AP2A2: variants seen among roughly 807,000 people sequenced by gnomAD.
The protein encoded by AP2A2 is AP-2 complex subunit alpha-2.
In AP2A2, 32 loss-of-function variants were observed where a neutral mutation model predicts 104.2. The observed-to-expected ratio is 0.31, with a 90% CI of 0.23 to 0.41. AP2A2 has a LOEUF of 0.41. Ranked by LOEUF, AP2A2 falls within the 10% of genes least tolerant of loss-of-function variation. AP2A2 has a pLI of 1.00. For missense variants in AP2A2, 912 were observed against 1,261.0 expected, an observed-to-expected ratio of 0.72 and a Z score of 4.19; for synonymous variants, 539 against 533.3, an observed-to-expected ratio of 1.01 and a Z score of -0.15.
chr11:952,285 A>AT (rs1340982938), intron 1 of AP2A2, among the ~76,000 whole-genome samples: 2 of 152,136 alleles, frequency 1.3e-5, no homozygotes, highest in Admixed American at 6.5e-5. Flanking sequence ...CTCCTTTACT[A>AT]TTTTTTGTGG....
chr11:951,240 A>G (rs1447853739), intron 1 of AP2A2, among the ~76,000 whole-genome samples: 1 of 152,078 alleles, frequency 6.6e-6, no homozygotes, highest in African/African-American at 2.4e-5. Flanking sequence ...TGGCTGTAAT[A>G]AAAAAGATGA....
intron 15 of AP2A2, among the ~76,000 whole-genome samples, chr11:1,001,854 T>C (rs920815764): frequency 1.3e-5 from 2 of 152,296 alleles, no homozygotes; most frequent in East Asian, 1.9e-4. Flanking sequence ...TGGGTGGCGC[T>C]GTCTGCAGCT....
chr11:1,008,180 C>T, intron 18 of AP2A2, 45 bp downstream of exon 18: 1 of 1,549,314 alleles, frequency 6.5e-7, no homozygotes, highest in Non-Finnish European at 8.7e-7. Context: ...GTGTGGGCGC[C>T]TGAGCTGTGT....
chr11:983,574 G>A (rs578231854), intron 6 of AP2A2, among the ~76,000 whole-genome samples: 30 of 151,970 alleles, frequency 2.0e-4, no homozygotes, highest in East Asian at 1.6e-3. Flanking sequence ...TAGTAGAGAT[G>A]GGGTTTCACT....
intron 1 of AP2A2, among the ~76,000 whole-genome samples, chr11:928,282 A>G (rs773859649): frequency 1.3e-5 from 2 of 152,230 alleles, no homozygotes; most frequent in Admixed American, 6.5e-5. Context: ...TTATTACAGT[A>G]TATCATTACA....
intron 6 of AP2A2, 22 bp from the exon 7 acceptor site, chr11:984,623 C>T (rs369119322): frequency 1.3e-6 from 2 of 1,579,634 alleles, no homozygotes; most frequent in Admixed American, 3.3e-5. Context: ...CAGCGTGTCT[C>T]ATTGCCTGTG....
In AP2A2 at chr11:1,008,106, G is replaced by A. The variant is rs375381017; in HGVS notation, c.2391G>A (p.Thr797=). The change falls in exon 18 of 22, where the codon ACG becomes ACA. Residue 797 remains threonine, a synonymous_variant. Transcript: ENST00000448903. ...ACATAGAGTGCGTGTCCGACTTCAC[G>A]GAGGCGCCAGTCCTCAACATTCAGT... ...VVNIECVSDF[T]EAPVLNIQFR... The A allele has an allele frequency of 5.0e-5, 80 of 1,606,560 alleles. 1 individual carries two copies. In the African/African-American group the frequency reaches 6.1e-4, roughly 12 times the overall value.
At chr11:969,174 C>G (rs1854729307) in intron 2 of AP2A2, among the ~76,000 whole-genome samples, 1 of 151,376 alleles carries the variant, frequency 6.6e-6, no homozygotes, top group Non-Finnish European at 1.5e-5. Flanking sequence ...GGGACACTCC[C>G]TCACCTCTCA....
intron 4 of AP2A2, among the ~76,000 whole-genome samples, chr11:975,402 T>C (rs992513849): frequency 6.7e-6 from 1 of 148,490 alleles, no homozygotes; most frequent in Non-Finnish European, 1.5e-5. Flanking sequence ...TGAGTAGCAG[T>C]GGGGTCCTCG....
rs746278805 is a variant in AP2A2 at position 986,961 on chromosome 11, C to T, written c.1131+8C>T. On this transcript the variant is annotated splice_region_variant and intron_variant, in intron 9 of 21. Coordinates refer to ENST00000448903, the MANE Select transcript of AP2A2 (RefSeq NM_012305.4). ...GTCATCAACGCCCTGAAGGCGAGTGCCCTGTCCTTGGGTTCTGCTCACTCC... is the reference window on the plus strand; with the variant it reads ...GTCATCAACGCCCTGAAGGCGAGTGTCCTGTCCTTGGGTTCTGCTCACTCC... 7.7e-6 allele frequency: 12 copies of T among 1,568,462 alleles called. No individual in the cohort carries two copies. In the South Asian group the frequency reaches 9.4e-5, roughly 12 times the overall value.
At chr11:937,817 A>G (rs1205090478) in intron 1 of AP2A2, among the ~76,000 whole-genome samples, 1 of 152,236 alleles carries the variant, frequency 6.6e-6, no homozygotes, top group African/African-American at 2.4e-5. Flanking sequence ...CAGCTTCACC[A>G]TCACAAATTG....
In AP2A2 at chr11:992,584, A is replaced by G. The variant is rs1186314591; in HGVS notation, c.1351A>G (p.Ile451Val). The stretch of plus-strand genomic sequence containing the variant: ...GGATACCATCTTGAACTTGATCCGA[A>G]TTGCTGGTGATTACGTGAGTGAAGA... ...YVDTILNLIR[I>V]AGDYVSEEVW... The change falls in exon 11 of 22, where the codon ATT becomes GTT. Residue 451 changes from isoleucine to valine, a missense_variant. Transcript: ENST00000448903. The surrounding 1 kb of genome is among the most constrained non-coding windows in gnomAD (Gnocchi z 6.4). 5.0e-6 allele frequency: 8 copies of G among 1,613,894 alleles called. No homozygotes were observed. Among genetic ancestry groups the G allele is most frequent in the Middle Eastern group, 1.6e-4 (1 of 6,062 alleles).
intron 5 of AP2A2, among the ~76,000 whole-genome samples, chr11:979,856 G>T (rs896018758): frequency 6.6e-6 from 1 of 152,182 alleles, no homozygotes; most frequent in African/African-American, 2.4e-5. Flanking sequence ...ATAAGCCACC[G>T]TGCCCACGCA....
Position 925,921 on chromosome 11 carries a change from G to T in AP2A2, c.-101G>T. On this transcript the variant is annotated 5_prime_UTR_variant, in exon 1 of 22. Coordinates refer to ENST00000448903, the MANE Select transcript of AP2A2 (RefSeq NM_012305.4). ...GGCCGTGGTTAGGCGGCTCCCCGGC[G>T]GCTCCTCCGCGGCGGTGACGGCGAC... 1.1e-6 allele frequency: 1 copy of T among 906,384 alleles called. No individual in the cohort carries two copies. The allele number at this position is 906,384 out of a possible 1,614,324, so 56.1% of individuals were successfully genotyped here.
intron 6 of AP2A2, among the ~76,000 whole-genome samples, chr11:984,363 G>A (rs934326065): frequency 5.9e-5 from 9 of 152,062 alleles, no homozygotes; most frequent in East Asian, 1.9e-4. Context: ...TTCACGTGCC[G>A]GTCCACAAAG....
intron 1 of AP2A2, among the ~76,000 whole-genome samples, chr11:928,770 CTT>C (rs1311048771): frequency 6.6e-6 from 1 of 152,218 alleles, no homozygotes; most frequent in East Asian, 1.9e-4. Context: ...AGCCAGGTCT[CTT>C]TAATACGGCC....
intron 4 of AP2A2, among the ~76,000 whole-genome samples, chr11:974,962 C>T (rs971938520): frequency 1.3e-5 from 2 of 152,116 alleles, no homozygotes; most frequent in Non-Finnish European, 2.9e-5. Flanking sequence ...TCCAGCCTGG[C>T]GAAAGAGCGA....
At chr11:956,719 T>G (rs1055998792) in intron 1 of AP2A2, 1 of 152,200 alleles carries the variant, frequency 6.6e-6, no homozygotes, top group East Asian at 1.9e-4. Flanking sequence ...AGCAATAGAT[T>G]TAGCGTGTAC....
chr11:947,010 C>CT (rs71022990), intron 1 of AP2A2: 62,890 of 120,018 alleles, frequency 0.52, 16,133 homozygotes, highest in Admixed American at 0.64. Flanking sequence ...TTTTTCTTTT[C>CT]TTTTTTTTTT....
Sources: allele counts gnomAD v4.1 joint callset (sites outside exome capture counted in the v4.1 genomes callset), GRCh38; gene constraint gnomAD v4.1.1; non-coding constraint Gnocchi (gnomAD v3.1); transcripts MANE v1.5; gene names NCBI Gene and HGNC (gene_info 2026-07-23, HGNC 2026-07-21).